The following CSGALNACT1 variants were observed in gnomAD, a reference collection of about 807,000 sequenced individuals.
CSGALNACT1 encodes chondroitin sulfate N-acetylgalactosaminyltransferase 1.
In CSGALNACT1, 52 loss-of-function variants were observed where a neutral mutation model predicts 51.0. That is an observed-to-expected ratio of 1.02 (90% confidence interval 0.82 to 1.29). The LOEUF is 1.29. Among genes scored for constraint, CSGALNACT1 ranks in the 50% most tolerant of loss-of-function variants. CSGALNACT1 has a pLI of 0.00. For missense variants in CSGALNACT1, 935 were observed against 679.2 expected, an observed-to-expected ratio of 1.38 and a Z score of -4.19; for synonymous variants, 341 against 254.4, an observed-to-expected ratio of 1.34 and a Z score of -3.24.
chr8:19,509,847 T>G (rs949159906), intron 3 of CSGALNACT1, among the ~76,000 whole-genome samples: 1 of 152,092 alleles, frequency 6.6e-6, no homozygotes, highest in Admixed American at 6.5e-5. Flanking sequence ...TACTAGAAGT[T>G]AGAGATGACA....
chr8:19,696,898 C>T (rs1055868412), intron 1 of CSGALNACT1, among the ~76,000 whole-genome samples: 3 of 152,062 alleles, frequency 2.0e-5, no homozygotes, highest in African/African-American at 7.2e-5. Flanking sequence ...GCAGAGCCTC[C>T]CAGGCAGAAA....
chr8:19,416,408 C>T (rs976966489), intron 8 of CSGALNACT1, among the ~76,000 whole-genome samples: 11 of 152,016 alleles, frequency 7.2e-5, no homozygotes, highest in African/African-American at 1.9e-4. Flanking sequence ...CCACCACACC[C>T]GGCCAAGGAA....
intron 4 of CSGALNACT1, among the ~76,000 whole-genome samples, chr8:19,490,669 T>C (rs2074178114): frequency 2.0e-5 from 3 of 152,192 alleles, no homozygotes; most frequent in South Asian, 2.1e-4. Context: ...TCCATCACAA[T>C]GCAGGAGAAG....
At chr8:19,556,158 A>T (rs2039370600) in intron 3 of CSGALNACT1, among the ~76,000 whole-genome samples, 1 of 152,056 alleles carries the variant, frequency 6.6e-6, no homozygotes. Flanking sequence ...TGGGCGGATT[A>T]CCTGAGGTCA....
At chr8:19,418,693 C>T (rs779694868) in exon 8 of CSGALNACT1, 8 of 1,613,650 alleles carry the variant, frequency 5.0e-6, no homozygotes, top group Non-Finnish European at 5.9e-6. Flanking sequence ...ATCATGGTGG[C>T]CGTATATTAT....
At chr8:19,525,797 C>T (rs187319859) in intron 3 of CSGALNACT1, among the ~76,000 whole-genome samples, 1 of 152,144 alleles carries the variant, frequency 6.6e-6, no homozygotes, top group East Asian at 1.9e-4. Context: ...AACCTCTGAA[C>T]TGAGGCCCTA....
intron 1 of CSGALNACT1, among the ~76,000 whole-genome samples, chr8:19,666,805 AAGAAAGAGAGAGAGAGAGAGAGAGAG>A (rs2059241901): frequency 4.7e-5 from 1 of 21,102 alleles, no homozygotes. Context: ...GAAAGAAAGA[AAGAAAGAGAGAGAGAGAGAGAGAGAG>A]AGAAAGAAAG....
intron 2 of CSGALNACT1, among the ~76,000 whole-genome samples, chr8:19,596,423 T>C (rs2048914289): frequency 2.0e-5 from 3 of 152,146 alleles, no homozygotes; most frequent in African/African-American, 7.2e-5. Flanking sequence ...CGCCCTCTGC[T>C]TGTGACAGAA....
chr8:19,485,381 T>A (rs1420193951), intron 4 of CSGALNACT1, among the ~76,000 whole-genome samples: 2 of 151,912 alleles, frequency 1.3e-5, no homozygotes, highest in African/African-American at 2.4e-5. Flanking sequence ...CCCTCCACTG[T>A]GAGAGATAAA....
intron 1 of CSGALNACT1, among the ~76,000 whole-genome samples, chr8:19,713,733 G>T (rs1346620071): frequency 6.6e-6 from 1 of 152,182 alleles, no homozygotes. Context: ...TTTCAGAGGG[G>T]ATCTCGCCCT....
chr8:19,499,950 G>T (rs987376960), intron 4 of CSGALNACT1, among the ~76,000 whole-genome samples: 1 of 152,158 alleles, frequency 6.6e-6, no homozygotes, highest in Non-Finnish European at 1.5e-5. Flanking sequence ...ATCACCACAA[G>T]GAGGGATTCA....
intron 3 of CSGALNACT1, among the ~76,000 whole-genome samples, chr8:19,508,442 G>C (rs1412123817): frequency 2.0e-5 from 3 of 152,216 alleles, no homozygotes; most frequent in Non-Finnish European, 4.4e-5. Flanking sequence ...TTAGTGCTAA[G>C]TTTAAAGTGC....
intron 3 of CSGALNACT1, among the ~76,000 whole-genome samples, chr8:19,545,776 A>T (rs1029230918): frequency 6.7e-6 from 1 of 149,300 alleles, no homozygotes; most frequent in African/African-American, 2.4e-5. Flanking sequence ...ATATATATAT[A>T]TATTTGTAAA....
intron 3 of CSGALNACT1, 43 bp from the exon 3 acceptor site, chr8:19,506,173 C>A: frequency 1.9e-6 from 1 of 515,012 alleles, no homozygotes; most frequent in Non-Finnish European, 3.7e-6. Context: ...ATCAAGACAA[C>A]GACTCCCTCA....
intron 1 of CSGALNACT1, among the ~76,000 whole-genome samples, chr8:19,735,598 C>T (rs1433151639): frequency 6.6e-6 from 1 of 152,048 alleles, no homozygotes; most frequent in Non-Finnish European, 1.5e-5. Flanking sequence ...AATGTTTTAT[C>T]TTTAAGTGTA....
intron 3 of CSGALNACT1, among the ~76,000 whole-genome samples, chr8:19,508,676 C>G (rs911841946): frequency 1.3e-5 from 2 of 152,116 alleles, no homozygotes; most frequent in Admixed American, 6.5e-5. Context: ...AAAAGATTGT[C>G]GTTAAAGACA....
intron 3 of CSGALNACT1, among the ~76,000 whole-genome samples, chr8:19,580,001 A>C (rs1000764167): frequency 1.3e-5 from 2 of 152,226 alleles, no homozygotes; most frequent in African/African-American, 4.8e-5. Context: ...TCTTCAATAA[A>C]GGCACACAAA....
intron 6 of CSGALNACT1, among the ~76,000 whole-genome samples, chr8:19,433,170 T>C (rs1009779106): frequency 1.3e-5 from 2 of 152,190 alleles, no homozygotes; most frequent in Non-Finnish European, 2.9e-5. Context: ...AGCTAATGAG[T>C]GGACAACATT....
chr8:19,437,462 A>G (rs1438171506), intron 6 of CSGALNACT1, among the ~76,000 whole-genome samples: 1 of 152,072 alleles, frequency 6.6e-6, no homozygotes, highest in African/African-American at 2.4e-5. Flanking sequence ...TGTGAAGTCA[A>G]CTCAGGCTGG....
Sources: gnomAD v4.1 joint callset for allele counts (sites outside exome capture counted in the v4.1 genomes callset) on GRCh38, gnomAD v4.1.1 for gene constraint, MANE v1.5 for transcripts, NCBI Gene and HGNC (gene_info 2026-07-23, HGNC 2026-07-21) for gene names.